HECW1: variants seen among roughly 807,000 people sequenced by gnomAD.
The protein encoded by HECW1 is HECT, C2 and WW domain containing E3 ubiquitin protein ligase 1, also known as E3 ubiquitin-protein ligase HECW1.
Under a neutral mutation model 182.3 loss-of-function variants are expected in HECW1, and 61 were observed. The ratio of observed to expected loss-of-function variants is 0.33; its 90% CI spans 0.27 to 0.41. HECW1 has a LOEUF of 0.41. Ranked by LOEUF, HECW1 falls within the 10% of genes least tolerant of loss-of-function variation. HECW1 has a pLI of 1.00. For synonymous variants in HECW1, 859 were observed against 832.6 expected, an observed-to-expected ratio of 1.03 and a Z score of -0.55; for missense variants, 1,739 against 2,108.9, an observed-to-expected ratio of 0.82 and a Z score of 3.44.
intron 17 of HECW1, among the ~76,000 whole-genome samples, chr7:43,480,021 G>T (rs2152907237): frequency 6.6e-6 from 1 of 152,242 alleles, no homozygotes; most frequent in Non-Finnish European, 1.5e-5. Flanking sequence ...TGCACTGTCA[G>T]GAGATCCCTA....
chr7:43,375,442 C>G (rs1584684545), intron 6 of HECW1, among the ~76,000 whole-genome samples: 1 of 152,102 alleles, frequency 6.6e-6, no homozygotes, highest in African/African-American at 2.4e-5. Context: ...ATGGCAGAAA[C>G]CGGTAGTGAA....
rs1309295085 is a variant in HECW1, at chr7:43,507,154, G to A, written c.3649G>A (p.Ala1217Thr). The A allele has an allele frequency of 4.3e-6, 7 of 1,613,870 alleles. No homozygotes were observed. The highest frequency in any genetic ancestry group is 5.9e-6 in the Non-Finnish European group (7 of 1,179,794). The change falls in exon 22 of 30, where the codon GCA becomes ACA. Residue 1217 changes from alanine to threonine, a missense_variant. By Grantham distance (58) the Ala-to-Thr change is moderately conservative. This residue lies in a region of HECW1 where 420 missense variants were observed against 595.7 expected (regional missense o/e 0.71). Coordinates refer to ENST00000395891, the MANE Select transcript of HECW1 (RefSeq NM_015052.5). ...CTCTGCAGGTTTACAGAGAGCCAGT[G>A]CAAGAGCCCCTTCCCCCTACCGAAG... Reference protein sequence around the residue: ...QNSPGLQRASARAPSPYRRDF... With the variant: ...QNSPGLQRASTRAPSPYRRDF...
At chr7:43,167,230 C>G (rs1466355656) in intron 2 of HECW1, among the ~76,000 whole-genome samples, 1 of 152,134 alleles carries the variant, frequency 6.6e-6, no homozygotes, top group Admixed American at 6.5e-5. Flanking sequence ...TGGTGCTTGA[C>G]CTTTCTCGGT....
At chr7:43,253,288 G>A (rs1800225615) in intron 3 of HECW1, among the ~76,000 whole-genome samples, 1 of 152,180 alleles carries the variant, frequency 6.6e-6, no homozygotes. Context: ...TGAAGGGAAG[G>A]AAGAGTCCTG....
At chr7:43,364,053 T>C (rs538824252) in intron 6 of HECW1, among the ~76,000 whole-genome samples, 1 of 152,284 alleles carries the variant, frequency 6.6e-6, no homozygotes, top group Non-Finnish European at 1.5e-5. Flanking sequence ...GGTTGAGGAT[T>C]GCTGCTGCTG....
At chr7:43,118,282 C>T (rs1370910651) in intron 2 of HECW1, 1 of 152,550 alleles carries the variant, frequency 6.6e-6, no homozygotes, top group Non-Finnish European at 1.5e-5. Flanking sequence ...GTAATTCAAT[C>T]ATTTTGTCCT....
chr7:43,515,334 T>A lies in HECW1; in HGVS notation c.4019+6213T>A, dbSNP rs899781353. On this transcript the variant is annotated intron_variant, in intron 24 of 29. Transcript: ENST00000395891. ...TTAGTAAAGGAAGAGCCTGATCAGA[T>A]CTTTATTAAACTCAGAAAGTCAACT... 3.8e-4 allele frequency among the ~76,000 whole-genome samples: 58 copies of A among 152,154 alleles called. 1 individual carries two copies. Among genetic ancestry groups the A allele is most frequent in the Admixed American group, 2.3e-3 (35 of 15,278 alleles).
chr7:43,397,029 G>GT, intron 7 of HECW1, 140 bp downstream of exon 7: 1 of 670,202 alleles, frequency 1.5e-6, no homozygotes, highest in South Asian at 1.7e-5. Flanking sequence ...AAGCAAAAAT[G>GT]TTTTTTAAAT....
chr7:43,178,022 G>A (rs1792427101), intron 2 of HECW1, among the ~76,000 whole-genome samples: 1 of 152,086 alleles, frequency 6.6e-6, no homozygotes, highest in African/African-American at 2.4e-5. Context: ...GTTTGGTTTG[G>A]TTTTTGAGAC....
At chr7:43,541,583 C>G (rs1211664013) in intron 25 of HECW1, among the ~76,000 whole-genome samples, 1 of 152,086 alleles carries the variant, frequency 6.6e-6, no homozygotes, top group African/African-American at 2.4e-5. Flanking sequence ...CTGTTTATAG[C>G]ATAACTGTTT....
At chr7:43,375,194 A>C (rs1482921546) in intron 6 of HECW1, among the ~76,000 whole-genome samples, 1 of 152,238 alleles carries the variant, frequency 6.6e-6, no homozygotes, top group Non-Finnish European at 1.5e-5. Context: ...ATAAACAAAC[A>C]GGAGAAACTG....
Position 43,519,848 on chromosome 7 carries a change from G to A in HECW1, c.4019+10727G>A, listed in dbSNP as rs1017631566. Among the ~76,000 whole-genome samples the A allele has an allele frequency of 1.2e-4, 19 of 152,164 alleles. 1 individual carries two copies. Among genetic ancestry groups the A allele is most frequent in the Admixed American group, 8.5e-4 (13 of 15,288 alleles). On this transcript the variant is annotated intron_variant, in intron 24 of 29. Transcript: ENST00000395891. The stretch of plus-strand genomic sequence containing the variant: ...ATAGTAACCCCAAGCCTGTGTGTAT[G>A]TAGCTAGAGATATGTAAATATAAAT...
At chr7:43,541,305 A>G (rs3816072) in intron 25 of HECW1, 44 bp downstream of exon 25, 179,236 of 1,478,684 alleles carry the variant, frequency 0.12, 13,588 homozygotes, top group East Asian at 0.36. Flanking sequence ...CCCTGTCTGC[A>G]GGGCAAGGAC....
intron 2 of HECW1, among the ~76,000 whole-genome samples, chr7:43,138,698 AGACCAAGT>A (rs1279940014): frequency 2.0e-5 from 3 of 152,206 alleles, no homozygotes; most frequent in African/African-American, 7.2e-5. Flanking sequence ...TCTCTCTTTT[AGACCAAGT>A]GACCTAAAAC....
chr7:43,401,142 G>T (rs371319359), intron 7 of HECW1, among the ~76,000 whole-genome samples: 1 of 152,164 alleles, frequency 6.6e-6, no homozygotes, highest in African/African-American at 2.4e-5. Flanking sequence ...CAAGGATTAG[G>T]ATGTGAACAT....
At chr7:43,282,574 C>A (rs919770249) in intron 3 of HECW1, among the ~76,000 whole-genome samples, 15 of 152,138 alleles carry the variant, frequency 9.9e-5, no homozygotes, top group African/African-American at 3.6e-4. Context: ...TAAAGTGAGA[C>A]ACAAACTGTT....
At chr7:43,535,469 G>A (rs1454046286) in intron 24 of HECW1, among the ~76,000 whole-genome samples, 7 of 152,136 alleles carry the variant, frequency 4.6e-5, no homozygotes, top group South Asian at 2.1e-4. Flanking sequence ...GCTGATGTGC[G>A]CGCACCAAGA....
chr7:43,532,538 G>A (rs1030782586), intron 24 of HECW1, among the ~76,000 whole-genome samples: 2 of 152,066 alleles, frequency 1.3e-5, no homozygotes, highest in African/African-American at 4.8e-5. Context: ...CTCATGTTCT[G>A]CCATTTCCCC....
intron 19 of HECW1, among the ~76,000 whole-genome samples, chr7:43,494,023 T>C (rs553995758): frequency 6.6e-6 from 1 of 152,240 alleles, no homozygotes; most frequent in South Asian, 2.1e-4. Flanking sequence ...TGTGGTGCAG[T>C]CTTGTGAATG....
Sources: gnomAD v4.1 joint callset for allele counts (sites outside exome capture counted in the v4.1 genomes callset) on GRCh38, gnomAD v4.1.1 for gene constraint, gnomAD v4.1.1 regional missense constraint, MANE v1.5 for transcripts, NCBI Gene and HGNC (gene_info 2026-07-23, HGNC 2026-07-21) for gene names.